ST3GAL4: variants seen among roughly 807,000 people sequenced by gnomAD.
ST3GAL4 encodes ST3 beta-galactoside alpha-2,3-sialyltransferase 4, also known as CMP-N-acetylneuraminate-beta-galactosamide-alpha-2,3-sialyltransferase 4.
In ST3GAL4, 24 loss-of-function variants were observed where a neutral mutation model predicts 42.6. The observed-to-expected ratio is 0.56, with a 90% CI of 0.41 to 0.79. The LOEUF (loss-of-function observed/expected upper bound fraction) is 0.79, where lower values mean the gene tolerates loss of function less well. ST3GAL4 is among the 30% of genes least tolerant of loss of function. The pLI is 0.00. For missense variants in ST3GAL4, 311 were observed against 430.8 expected, an observed-to-expected ratio of 0.72 and a Z score of 2.46; for synonymous variants, 135 against 163.2, an observed-to-expected ratio of 0.83 and a Z score of 1.32.
chr11:126,387,144 A>G (rs1356886325), intron 1 of ST3GAL4, among the ~76,000 whole-genome samples: 1 of 152,120 alleles, frequency 6.6e-6, no homozygotes, highest in Non-Finnish European at 1.5e-5. Context: ...AGCTGCTTCC[A>G]TTTCAGTAAT....
At position 126,409,408 on chromosome 11, in the gene ST3GAL4, G is replaced by T. The variant is rs1954418262; in HGVS notation, c.768G>T (p.Lys256Asn). Residue 256 changes from lysine to asparagine, a missense_variant, in exon 9 of 11, where the codon AAG becomes AAT. Coordinates refer to ENST00000444328, the MANE Select transcript of ST3GAL4 (RefSeq NM_001254757.2). The surrounding 1 kb of genome is among the most constrained non-coding windows in gnomAD (Gnocchi z 4.9). ...SLPMQQPRKI[K>N]QKPTTGLLAI... ...CAATGCAACAGCCACGGAAGATTAA[G>T]CAGGTGATGATGGGAAGTCAGGCCT... 2 of 1,614,242 alleles carry T rather than the reference G, an allele frequency of 1.2e-6. No homozygotes were observed. Among genetic ancestry groups the T allele is most frequent in the African/African-American group, 1.3e-5 (1 of 75,062 alleles).
At chr11:126,387,046 G>C (rs1407323599) in intron 1 of ST3GAL4, among the ~76,000 whole-genome samples, 2 of 152,192 alleles carry the variant, frequency 1.3e-5, no homozygotes. Flanking sequence ...TGCCACTGCT[G>C]TTTCTGTCCT....
intron 1 of ST3GAL4, among the ~76,000 whole-genome samples, chr11:126,371,880 C>T (rs1437424492): frequency 2.0e-5 from 3 of 152,244 alleles, no homozygotes; most frequent in East Asian, 3.8e-4. Flanking sequence ...TCAACTGGTA[C>T]TCCCACCAGC....
rs1448899211 is a variant in ST3GAL4 at position 126,410,705 on chromosome 11, C to T, written c.771+1294C>T. Among the ~76,000 whole-genome samples the T allele has an allele frequency of 1.3e-5, 2 of 152,160 alleles. No homozygotes were observed. The highest frequency in any genetic ancestry group is 1.9e-4 in the East Asian group (1 of 5,198). ...TTTGTGACTGCTCAATGCCAGGCCC[C>T]GAGTCTTCTTGCTTGGCGAGGAAGT... On this transcript the variant is annotated intron_variant, in intron 9 of 10. Coordinates refer to ENST00000444328, the MANE Select transcript of ST3GAL4 (RefSeq NM_001254757.2). This position sits in a 1 kb window ranked among gnomAD's most constrained non-coding sequence, Gnocchi z 5.3.
intron 1 of ST3GAL4, among the ~76,000 whole-genome samples, chr11:126,380,205 T>C (rs1336015613): frequency 6.6e-6 from 1 of 150,714 alleles, no homozygotes; most frequent in African/African-American, 2.5e-5. Flanking sequence ...GAGGTTGCAG[T>C]GTGCCGAGAT....
At position 126,392,460 on chromosome 11, in the gene ST3GAL4, G is replaced by C; in HGVS notation, c.-60-13636G>C. On this transcript the variant is annotated intron_variant, in intron 1 of 10. Coordinates refer to ENST00000444328, the MANE Select transcript of ST3GAL4 (RefSeq NM_001254757.2). The surrounding 1 kb of genome is among the most constrained non-coding windows in gnomAD (Gnocchi z 5.8). ...CTTGTGAGCTCATCGACATGCATTT[G>C]GCAGAAAGTGCGCTGGCTCTGCCAG... The C allele has an allele frequency of 1.2e-6, 1 of 805,062 alleles. No individual in the cohort carries two copies. The highest frequency in any genetic ancestry group is 1.3e-4 in the East Asian group (1 of 7,948). 49.9% of individuals were successfully genotyped at this position (805,062 alleles called of 1,614,324 possible).
rs758617896 is a variant in ST3GAL4 at position 126,406,171 on chromosome 11, C to T, written c.16C>T (p.Arg6Cys). Residue 6 changes from arginine to cysteine, a missense_variant and splice_region_variant, in exon 2 of 11, where the codon CGC (arginine) becomes TGC (cysteine). Arg to Cys is a radical substitution (Grantham distance 180). Coordinates refer to ENST00000444328, the MANE Select transcript of ST3GAL4 (RefSeq NM_001254757.2). This position sits in a 1 kb window ranked among gnomAD's most constrained non-coding sequence, Gnocchi z 5.4. The part of the protein sequence containing the change: MVSKS[R>C]WKLLAMLALV... ...GCTGAGAAACATGGTCAGCAAGTCC[C>T]GTGAGTGTCATCCGAGGGCTCCCCC... The T allele has an allele frequency of 4.2e-5, 65 of 1,557,928 alleles. No individual in the cohort carries two copies. Among genetic ancestry groups the T allele is most frequent in the African/African-American group, 6.8e-5 (5 of 73,260 alleles).
At position 126,379,562 on chromosome 11, in the gene ST3GAL4, C is replaced by T. The variant is rs1952926768; in HGVS notation, c.-61+23720C>T. Among the ~76,000 whole-genome samples, 1 of 152,160 alleles carries T rather than the reference C, an allele frequency of 6.6e-6. No individual in the cohort carries two copies. Among genetic ancestry groups the T allele is most frequent in the Non-Finnish European group, 1.5e-5 (1 of 68,038 alleles). The stretch of plus-strand genomic sequence containing the variant: ...GCACGATCTTGGCTCACTGCAACCT[C>T]CACCTCCCGGGTTCAAGTAATTCTC... On this transcript the variant is annotated intron_variant, in intron 1 of 10. Coordinates refer to ENST00000444328, the MANE Select transcript of ST3GAL4 (RefSeq NM_001254757.2). The surrounding 1 kb of genome is among the most constrained non-coding windows in gnomAD (Gnocchi z 4.2).
In ST3GAL4 at chr11:126,414,544, G is replaced by A. The variant is rs113839370; in HGVS notation, c.*497G>A. 408 of 163,788 alleles carry A rather than the reference G, an allele frequency of 2.5e-3. 1 individual carries two copies. Among genetic ancestry groups the A allele is most frequent in the Non-Finnish European group, 4.2e-3 (315 of 74,570 alleles). The allele number at this position is 163,788 out of a possible 1,614,324, so 10.1% of individuals were successfully genotyped here. A position where few individuals can be genotyped will look rare whatever the true frequency, so the allele number is the denominator to read the frequency against. On this transcript the variant is annotated 3_prime_UTR_variant, in exon 11 of 11. Coordinates refer to ENST00000444328, the MANE Select transcript of ST3GAL4 (RefSeq NM_001254757.2). ...GGGCTGCTACCTCCCAGCAGGCATG[G>A]GAAGAGCACTGGTGTGGGGGTTCCA... is the stretch of plus-strand genomic sequence containing the variant.
chr11:126,408,849 G>T (rs1954389285), intron 8 of ST3GAL4: 1 of 421,330 alleles, frequency 2.4e-6, no homozygotes, highest in African/African-American at 2.0e-5. Flanking sequence ...GCAGGTTAGA[G>T]CAATGAGGCC....
intron 1 of ST3GAL4, among the ~76,000 whole-genome samples, chr11:126,368,425 G>T (rs1166309053): frequency 6.6e-6 from 1 of 152,244 alleles, no homozygotes; most frequent in African/African-American, 2.4e-5. Context: ...TCCTGTTTCT[G>T]CTGACTTGTC....
chr11:126,382,664 G>A (rs1591445886), intron 1 of ST3GAL4, among the ~76,000 whole-genome samples: 1 of 152,168 alleles, frequency 6.6e-6, no homozygotes, highest in African/African-American at 2.4e-5. Context: ...GCCTTCAGTT[G>A]ATTTAGTGTC....
intron 1 of ST3GAL4, among the ~76,000 whole-genome samples, chr11:126,375,570 C>T (rs1449760973): frequency 3.3e-5 from 5 of 152,172 alleles, no homozygotes; most frequent in Non-Finnish European, 7.3e-5. Flanking sequence ...CCCTTTCCCA[C>T]CTTAGTTCCC....
At chr11:126,399,479 G>C (rs1373744391) in intron 1 of ST3GAL4, among the ~76,000 whole-genome samples, 2 of 151,084 alleles carry the variant, frequency 1.3e-5, no homozygotes, top group African/African-American at 4.9e-5. Flanking sequence ...TAATTTTTTT[G>C]TATTTTTAGT....
At chr11:126,413,357 G>A (rs1294768301) in intron 9 of ST3GAL4, 148 bp from the exon 10 acceptor site, 12 of 878,302 alleles carry the variant, frequency 1.4e-5, no homozygotes, top group East Asian at 1.1e-4. Flanking sequence ...CCCCATTTGC[G>A]TGCTCGTTAG....
intron 1 of ST3GAL4, among the ~76,000 whole-genome samples, chr11:126,369,299 G>A (rs771128064): frequency 1.8e-4 from 28 of 152,072 alleles, no homozygotes; most frequent in Admixed American, 3.9e-4. Context: ...CCAGGCTGGA[G>A]CACAGTGGTG....
At chr11:126,364,083 CG>C (rs1952346235) in intron 1 of ST3GAL4, among the ~76,000 whole-genome samples, 1 of 152,226 alleles carries the variant, frequency 6.6e-6, no homozygotes, top group Non-Finnish European at 1.5e-5. Context: ...CCCAAAATGG[CG>C]GGGTGCAGGG....
chr11:126,411,475 A>G lies in ST3GAL4; in HGVS notation c.772-2030A>G, dbSNP rs1271209280. On this transcript the variant is annotated intron_variant, in intron 9 of 10. Coordinates refer to ENST00000444328, the MANE Select transcript of ST3GAL4 (RefSeq NM_001254757.2). The surrounding 1 kb of genome is among the most constrained non-coding windows in gnomAD (Gnocchi z 6.3). ...CTGTTGCTCCCTAACTAATACCACAAGTTTAGCCGGCTAAAACAATACCCA... is the reference window on the plus strand; with the variant it reads ...CTGTTGCTCCCTAACTAATACCACAGGTTTAGCCGGCTAAAACAATACCCA... Among the ~76,000 whole-genome samples the G allele has an allele frequency of 6.6e-6, 1 of 152,078 alleles. No individual in the cohort carries two copies. The highest frequency in any genetic ancestry group is 1.5e-5 in the Non-Finnish European group (1 of 68,006).
At chr11:126,407,108 A>G in intron 4 of ST3GAL4, 85 bp downstream of exon 4, 1 of 1,498,626 alleles carries the variant, frequency 6.7e-7, no homozygotes, top group Non-Finnish European at 9.3e-7. Context: ...GTAGATGGAA[A>G]GAGCAGCTGT....
Sources: allele counts gnomAD v4.1 joint callset (sites outside exome capture counted in the v4.1 genomes callset), GRCh38; gene constraint gnomAD v4.1.1; non-coding constraint Gnocchi (gnomAD v3.1); transcripts MANE v1.5; gene names NCBI Gene and HGNC (gene_info 2026-07-23, HGNC 2026-07-21).